B3GALT1: variants seen among roughly 807,000 people sequenced by gnomAD.
B3GALT1 encodes the protein UDP-Gal:betaGlcNAc beta 1,3-galactosyltransferase, polypeptide 1.
B3GALT1 carries 10 observed loss-of-function variants against 23.2 expected under a neutral mutation model. The observed-to-expected ratio is 0.43, with a 90% CI of 0.27 to 0.73. B3GALT1 has a LOEUF of 0.73. B3GALT1 is among the 30% of genes least tolerant of loss of function. B3GALT1 has a pLI of 0.21. For missense variants in B3GALT1, 299 were observed against 405.4 expected (o/e 0.74, Z 2.25); for synonymous variants, 156 against 141.5 (o/e 1.10, Z -0.73).
chr2:167,502,203 C>T (rs746834421), intron 2 of B3GALT1, among the ~76,000 whole-genome samples: 1 of 151,920 alleles, frequency 6.6e-6, no homozygotes, highest in African/African-American at 2.4e-5. Flanking sequence ...ATGAGAAATG[C>T]GATAAAGAAA....
At chr2:167,389,498 C>G (rs576959949) in intron 1 of B3GALT1, among the ~76,000 whole-genome samples, 1 of 152,156 alleles carries the variant, frequency 6.6e-6, no homozygotes, top group South Asian at 2.1e-4. Flanking sequence ...ACCCAACTTG[C>G]TGATGCTACC....
chr2:167,732,526 A>G (rs1687425028), intron 3 of B3GALT1, among the ~76,000 whole-genome samples: 2 of 152,236 alleles, frequency 1.3e-5, no homozygotes, highest in African/African-American at 2.4e-5. Flanking sequence ...TCACCTGGAA[A>G]TAAGCTAGTG....
intron 1 of B3GALT1, among the ~76,000 whole-genome samples, chr2:167,461,606 T>C (rs970917200): frequency 2.0e-5 from 3 of 152,044 alleles, no homozygotes; most frequent in African/African-American, 7.3e-5. Context: ...CTATAAAAAT[T>C]TATAAATTAT....
chr2:167,710,056 T>C (rs1041649509), intron 3 of B3GALT1, among the ~76,000 whole-genome samples: 1 of 152,162 alleles, frequency 6.6e-6, no homozygotes, highest in Non-Finnish European at 1.5e-5. Context: ...AAAAAAATTA[T>C]TCAAATAAAG....
intron 2 of B3GALT1, among the ~76,000 whole-genome samples, chr2:167,602,125 A>G (rs1684888387): frequency 6.6e-6 from 1 of 152,214 alleles, no homozygotes; most frequent in Non-Finnish European, 1.5e-5. Context: ...TTGAGACAGA[A>G]TATTTTTTAA....
intron 3 of B3GALT1, among the ~76,000 whole-genome samples, chr2:167,787,065 G>A (rs145817672): frequency 7.2e-5 from 11 of 152,270 alleles, no homozygotes; most frequent in Admixed American, 2.0e-4. Context: ...GGCCTGGTCC[G>A]TCTGTATTTT....
chr2:167,844,383 T>TG (rs1689712178), intron 4 of B3GALT1, among the ~76,000 whole-genome samples: 1 of 152,192 alleles, frequency 6.6e-6, no homozygotes, highest in South Asian at 2.1e-4. Context: ...GGAAGCGGAC[T>TG]GCTCCTGCAG....
intron 1 of B3GALT1, among the ~76,000 whole-genome samples, chr2:167,350,282 C>T (rs1418695190): frequency 6.6e-6 from 1 of 152,132 alleles, no homozygotes; most frequent in South Asian, 2.1e-4. Context: ...AAGATAATAG[C>T]ACATAGCCTG....
rs1487117032 is a variant in B3GALT1 at position 167,521,168 on chromosome 2, C to T, written c.-410+30891C>T. Among the ~76,000 whole-genome samples the T allele has an allele frequency of 3.9e-5, 6 of 152,222 alleles. No homozygotes were observed. In the East Asian group the frequency reaches 7.7e-4, roughly 20 times the overall value. On this transcript the variant is annotated intron_variant, in intron 2 of 4. Transcript: ENST00000392690. Reference sequence around the variant, plus strand: ...TCTTCCACCCAAGCTTCACCATACACGTGATGTTTGTTCTTGCTTCCATTT... The same window carrying T: ...TCTTCCACCCAAGCTTCACCATACATGTGATGTTTGTTCTTGCTTCCATTT...
rs116213297 is a variant in B3GALT1, at chr2:167,494,674, T to G, written c.-410+4397T>G. 5.5e-3 allele frequency among the ~76,000 whole-genome samples: 832 copies of G among 152,278 alleles called. 7 individuals carry two copies. The highest frequency in any genetic ancestry group is 0.019 in the African/African-American group (802 of 41,560). On this transcript the variant is annotated intron_variant, in intron 2 of 4. Transcript: ENST00000392690. ...GGTTTTAAAATCTAGATGAGGCAAA[T>G]TAATAATCACAAGCTTTAGTCATAC...
intron 4 of B3GALT1, among the ~76,000 whole-genome samples, chr2:167,863,503 CCT>C (rs1388812914): frequency 6.6e-6 from 1 of 151,954 alleles, no homozygotes; most frequent in African/African-American, 2.4e-5. Context: ...TTATTTGTGC[CCT>C]CTCTTTATGT....
chr2:167,508,617 T>G (rs1699958869), intron 2 of B3GALT1, among the ~76,000 whole-genome samples: 1 of 152,168 alleles, frequency 6.6e-6, no homozygotes, highest in Non-Finnish European at 1.5e-5. Flanking sequence ...GCTCTAAAAT[T>G]GAACTTTTTT....
At chr2:167,451,604 G>A (rs1215963158) in intron 1 of B3GALT1, among the ~76,000 whole-genome samples, 2 of 152,230 alleles carry the variant, frequency 1.3e-5, no homozygotes, top group Non-Finnish European at 2.9e-5. Context: ...GGTGACAGGG[G>A]AGTGAAATGG....
intron 4 of B3GALT1, among the ~76,000 whole-genome samples, chr2:167,822,311 CTAA>C (rs1689124044): frequency 1.2e-5 from 1 of 84,706 alleles, no homozygotes; most frequent in East Asian, 1.1e-3. Flanking sequence ...AGGTGCTAAA[CTAA>C]ACAGAGCTGG....
At chr2:167,559,008 A>C (rs547788875) in intron 2 of B3GALT1, among the ~76,000 whole-genome samples, 2 of 152,316 alleles carry the variant, frequency 1.3e-5, no homozygotes, top group South Asian at 4.1e-4. Context: ...CTGCCTCCTC[A>C]AGTGGGTCCC....
chr2:167,664,403 C>G (rs1005384640), intron 3 of B3GALT1, among the ~76,000 whole-genome samples: 10 of 149,032 alleles, frequency 6.7e-5, no homozygotes, highest in Admixed American at 1.3e-4. Context: ...CATGATGCCT[C>G]CAGCTTTGTT....
intron 1 of B3GALT1, among the ~76,000 whole-genome samples, 164 bp downstream of exon 1, chr2:167,293,498 A>G (rs2105474821): frequency 6.6e-6 from 1 of 152,250 alleles, no homozygotes; most frequent in Middle Eastern, 3.4e-3. Flanking sequence ...GTGCGGCTCC[A>G]GCTGGTGCGT....
chr2:167,686,901 G>A (rs1254970447), intron 3 of B3GALT1, among the ~76,000 whole-genome samples: 4 of 152,108 alleles, frequency 2.6e-5, no homozygotes, highest in Non-Finnish European at 5.9e-5. Context: ...TTCCTGTAAC[G>A]CGGACAGTCA....
chr2:167,350,090 A>G (rs1697286227), intron 1 of B3GALT1, among the ~76,000 whole-genome samples: 1 of 152,216 alleles, frequency 6.6e-6, no homozygotes, highest in Admixed American at 6.5e-5. Flanking sequence ...TGGAGATAAC[A>G]AAGGATTTTT....
Sources: allele counts gnomAD v4.1 joint callset (sites outside exome capture counted in the v4.1 genomes callset), GRCh38; gene constraint gnomAD v4.1.1; transcripts MANE v1.5; gene names NCBI Gene and HGNC (gene_info 2026-07-23, HGNC 2026-07-21).